STYX: variants seen among roughly 807,000 people sequenced by gnomAD.
STYX encodes the protein serine/threonine/tyrosine-interacting protein.
A neutral mutation model predicts 42.7 loss-of-function variants in STYX; 20 were observed. The ratio of observed to expected loss-of-function variants is 0.47; its 90% CI spans 0.33 to 0.68. The LOEUF is 0.68. Among genes scored for constraint, STYX ranks in the 30% least tolerant of loss-of-function variants. STYX has a pLI of 0.02. For synonymous variants in STYX, 78 were observed against 81.9 expected, an observed-to-expected ratio of 0.95 and a Z score of 0.26; for missense variants, 226 against 268.5, an observed-to-expected ratio of 0.84 and a Z score of 1.11.
chr14:52,733,331 A>G (rs981059288), intron 1 of STYX, among the ~76,000 whole-genome samples: 5 of 152,102 alleles, frequency 3.3e-5, no homozygotes, highest in Non-Finnish European at 7.4e-5. Context: ...TGGGACTTGA[A>G]AACACACTCT....
Position 52,739,318 on chromosome 14 carries a change from GT to G in STYX, c.58-5525del, listed in dbSNP as rs113362293. 1.2e-3 allele frequency among the ~76,000 whole-genome samples: 184 copies of G among 149,888 alleles called. 2 individuals are homozygous for G. Among genetic ancestry groups the G allele is most frequent in the African/African-American group, 3.9e-3 (158 of 40,892 alleles). ...ACCATTCCTTGATATGTGTTGCCCT[GT>G]TTTTTTTTCTTTAATTACACAAAAT... On this transcript the variant is annotated intron_variant, in intron 1 of 10. Transcript: ENST00000354586.
chr14:52,745,833 A>G (rs1355285797), intron 2 of STYX, among the ~76,000 whole-genome samples: 1 of 152,146 alleles, frequency 6.6e-6, no homozygotes, highest in Non-Finnish European at 1.5e-5. Flanking sequence ...CCTATGAGGC[A>G]TTTTACTTGG....
At chr14:52,758,050 G>C (rs1370585076) in intron 8 of STYX, 126 bp downstream of exon 8, 2 of 1,020,754 alleles carry the variant, frequency 2.0e-6, no homozygotes, top group African/African-American at 1.6e-5. Context: ...TGTTTGATTA[G>C]GCAGGCCCTT....
rs190317696 is a variant in STYX at position 52,765,259 on chromosome 14, G to C, written c.505-3581G>C. ...AGATGGAGTCTCACTCTGTCGCCCA[G>C]GCTGGAATGAGTGCAGTGGTACAAT... is the stretch of plus-strand genomic sequence containing the variant. On this transcript the variant is annotated intron_variant, in intron 9 of 10. Transcript: ENST00000354586. 6.9e-4 allele frequency among the ~76,000 whole-genome samples: 105 copies of C among 152,140 alleles called. 2 individuals carry two copies. In the East Asian group the frequency reaches 0.019, roughly 28 times the overall value.
At chr14:52,732,637 A>T (rs990943599) in intron 1 of STYX, among the ~76,000 whole-genome samples, 12 of 152,058 alleles carry the variant, frequency 7.9e-5, no homozygotes, top group African/African-American at 2.4e-4. Context: ...TATACTTAAC[A>T]TACAATAATG....
intron 4 of STYX, among the ~76,000 whole-genome samples, chr14:52,754,538 C>G (rs570347567): frequency 7.9e-5 from 12 of 152,182 alleles, no homozygotes; most frequent in Admixed American, 4.6e-4. Context: ...TTTATAAGTA[C>G]TTCGGAAGGT....
intron 9 of STYX, among the ~76,000 whole-genome samples, chr14:52,768,152 A>C (rs1261299754): frequency 6.6e-6 from 1 of 152,202 alleles, no homozygotes; most frequent in Admixed American, 6.5e-5. Context: ...CAGAGGAGTT[A>C]TCTGCTATGC....
intron 9 of STYX, among the ~76,000 whole-genome samples, chr14:52,765,774 G>A (rs1882281373): frequency 6.6e-6 from 1 of 152,170 alleles, no homozygotes; most frequent in South Asian, 2.1e-4. Flanking sequence ...ACCATAGGGA[G>A]GGATAGGTTT....
At chr14:52,741,739 T>C (rs967739398) in intron 1 of STYX, among the ~76,000 whole-genome samples, 1 of 152,214 alleles carries the variant, frequency 6.6e-6, no homozygotes, top group African/African-American at 2.4e-5. Context: ...GCACCTGGCC[T>C]ATTCACTGAT....
At chr14:52,765,940 G>C (rs1277380859) in intron 9 of STYX, among the ~76,000 whole-genome samples, 1 of 152,164 alleles carries the variant, frequency 6.6e-6, no homozygotes, top group Non-Finnish European at 1.5e-5. Flanking sequence ...CTGCAGTCCA[G>C]GGGTGGGGAC....
intron 3 of STYX, among the ~76,000 whole-genome samples, chr14:52,746,801 A>G: frequency 6.6e-6 from 1 of 152,228 alleles, no homozygotes; most frequent in Non-Finnish European, 1.5e-5. Context: ...CTTCAGAACA[A>G]TATGAGATGT....
intron 8 of STYX, 56 bp from the exon 9 acceptor site, chr14:52,759,620 GTATGAT>G: frequency 8.6e-7 from 1 of 1,156,320 alleles, no homozygotes; most frequent in Non-Finnish European, 1.3e-6. Flanking sequence ...TTGCTAAGTT[GTATGAT>G]TATGATTAAT....
Position 52,740,738 on chromosome 14 carries a change from C to G in STYX, c.58-4114C>G, listed in dbSNP as rs188152509. Among the ~76,000 whole-genome samples, 527 of 152,244 alleles carry G rather than the reference C, an allele frequency of 3.5e-3. 3 individuals are homozygous for G. Among genetic ancestry groups the G allele is most frequent in the African/African-American group, 0.012 (517 of 41,540 alleles). On this transcript the variant is annotated intron_variant, in intron 1 of 10. Transcript: ENST00000354586. ...TGATTGTCCTTCCTTTGTGTGTAAT[C>G]TGTCTTTTGTCTAGTTGATCTTTTT...
At position 52,756,644 on chromosome 14, in the gene STYX, AATTT is replaced by A. The variant is rs1365767094; in HGVS notation, c.303+40_303+43del. On this transcript the variant is annotated intron_variant, in intron 5 of 10. Transcript: ENST00000354586. ...CCAGTATTTTTTAAATATCATTTAAAATTTATTTATGATTTGACTTCTTAGTTGT... is the reference window on the plus strand; with the variant it reads ...CCAGTATTTTTTAAATATCATTTAAAATTTATGATTTGACTTCTTAGTTGT... 6 of 931,278 alleles carry A rather than the reference AATTT, an allele frequency of 6.4e-6. No homozygotes were observed. In the Admixed American group the frequency reaches 1.1e-4, roughly 17 times the overall value. 57.7% of individuals were successfully genotyped at this position (931,278 alleles called of 1,614,324 possible).
In STYX at chr14:52,743,441, C is replaced by T. The variant is rs995389824; in HGVS notation, c.58-1411C>T. Among the ~76,000 whole-genome samples, 4 of 151,738 alleles carry T rather than the reference C, an allele frequency of 2.6e-5. No individual in the cohort carries two copies. In the East Asian group the frequency reaches 5.8e-4, roughly 22 times the overall value. ...CTAAAAGCACACAAAAAAATTATGG[C>T]GTGGTGGTGGGTGCCTGTAGTCCCA... On this transcript the variant is annotated intron_variant, in intron 1 of 10. Coordinates refer to ENST00000354586, the MANE Select transcript of STYX (RefSeq NM_145251.4).
intron 3 of STYX, among the ~76,000 whole-genome samples, chr14:52,746,991 G>C (rs1480478511): frequency 6.6e-6 from 1 of 152,158 alleles, no homozygotes; most frequent in African/African-American, 2.4e-5. Flanking sequence ...TATGTCACTC[G>C]AAGGAAATCC....
intron 5 of STYX, among the ~76,000 whole-genome samples, chr14:52,757,082 T>G (rs1046690963): frequency 3.9e-5 from 6 of 152,214 alleles, no homozygotes; most frequent in Non-Finnish European, 8.8e-5. Context: ...AGAAAATTTT[T>G]TATGATCTCC....
At chr14:52,760,307 T>A (rs989159032) in intron 9 of STYX, among the ~76,000 whole-genome samples, 8 of 152,210 alleles carry the variant, frequency 5.3e-5, no homozygotes, top group African/African-American at 1.9e-4. Flanking sequence ...GTTAGAAATG[T>A]CTGATTTTTT....
chr14:52,739,283 A>G (rs2139884405), intron 1 of STYX, among the ~76,000 whole-genome samples: 1 of 152,272 alleles, frequency 6.6e-6, no homozygotes, highest in South Asian at 2.1e-4. Context: ...ATTTCCCAGA[A>G]TATATTTACA....
Sources: allele counts gnomAD v4.1 joint callset (sites outside exome capture counted in the v4.1 genomes callset), GRCh38; gene constraint gnomAD v4.1.1; transcripts MANE v1.5; gene names NCBI Gene and HGNC (gene_info 2026-07-23, HGNC 2026-07-21).